The following CCDC7 variants were observed in gnomAD, a reference collection of about 807,000 sequenced individuals.
The protein encoded by CCDC7 is coiled-coil domain-containing protein 7.
Under a neutral mutation model 196.9 loss-of-function variants are expected in CCDC7, and 183 were observed. The observed-to-expected ratio is 0.93, with a 90% CI of 0.82 to 1.05. The LOEUF is 1.05. Among genes scored for constraint, CCDC7 ranks in the 50% least tolerant of loss-of-function variants. CCDC7 has a pLI of 0.00. For missense variants in CCDC7, 1,540 were observed against 1,482.2 expected, an observed-to-expected ratio of 1.04 and a Z score of -0.64; for synonymous variants, 525 against 484.6, an observed-to-expected ratio of 1.08 and a Z score of -1.10.
At chr10:32,585,077 A>G (rs889653010) in intron 18 of CCDC7, among the ~76,000 whole-genome samples, 6 of 145,620 alleles carry the variant, frequency 4.1e-5, no homozygotes, top group African/African-American at 1.5e-4. Flanking sequence ...CTAAACTTAA[A>G]TTTTTTTTTT....
At chr10:32,538,275 G>T (rs2050838218) in intron 11 of CCDC7, among the ~76,000 whole-genome samples, 1 of 152,126 alleles carries the variant, frequency 6.6e-6, no homozygotes, top group Non-Finnish European at 1.5e-5. Context: ...TTGTATTCCT[G>T]ATTTGGCTCT....
chr10:32,561,078 C>T (rs973663498), intron 13 of CCDC7, among the ~76,000 whole-genome samples: 4 of 151,970 alleles, frequency 2.6e-5, no homozygotes, highest in South Asian at 2.1e-4. Flanking sequence ...AAGGCCATTA[C>T]GTAATGGTAA....
intron 9 of CCDC7, among the ~76,000 whole-genome samples, chr10:32,508,534 A>G (rs2045565113): frequency 6.6e-6 from 1 of 152,238 alleles, no homozygotes; most frequent in Non-Finnish European, 1.5e-5. Context: ...CAGACATAAA[A>G]CAAATCCTAA....
At chr10:32,504,206 C>T (rs2044521087) in intron 9 of CCDC7, among the ~76,000 whole-genome samples, 1 of 148,388 alleles carries the variant, frequency 6.7e-6, no homozygotes, top group African/African-American at 2.5e-5. Context: ...CAAGCTCTGC[C>T]TCCCAGGTCA....
intron 25 of CCDC7, among the ~76,000 whole-genome samples, chr10:32,715,502 G>A (rs1591970155): frequency 6.6e-6 from 1 of 152,118 alleles, no homozygotes; most frequent in African/African-American, 2.4e-5. Flanking sequence ...TCCTCCAAAG[G>A]ATCACAACTC....
At chr10:32,778,875 G>T in intron 28 of CCDC7, 102 bp from the exon 30 acceptor site, 1 of 787,642 alleles carries the variant, frequency 1.3e-6, no homozygotes, top group South Asian at 1.7e-5. Flanking sequence ...TGCAGTTCTC[G>T]TTGTAGAGAT....
At chr10:32,721,165 C>T (rs555591544) in intron 25 of CCDC7, among the ~76,000 whole-genome samples, 10 of 152,088 alleles carry the variant, frequency 6.6e-5, no homozygotes, top group African/African-American at 2.4e-4. Context: ...AAAAAATAGC[C>T]CAGAATTGGT....
chr10:32,617,795 T>G (rs2062942554), intron 18 of CCDC7, among the ~76,000 whole-genome samples: 1 of 151,970 alleles, frequency 6.6e-6, no homozygotes, highest in Non-Finnish European at 1.5e-5. Flanking sequence ...TCTGTAAATG[T>G]CTATTAAGTC....
intron 24 of CCDC7, among the ~76,000 whole-genome samples, chr10:32,704,660 G>A (rs1025653635): frequency 1.3e-5 from 2 of 152,132 alleles, no homozygotes; most frequent in African/African-American, 4.8e-5. Flanking sequence ...GCTCCACCCA[G>A]TTCGAACATC....
intron 28 of CCDC7, among the ~76,000 whole-genome samples, chr10:32,772,529 C>T (rs900529808): frequency 6.6e-6 from 1 of 152,242 alleles, no homozygotes; most frequent in Non-Finnish European, 1.5e-5. Context: ...GCTTTTCACT[C>T]TCCCCAACCA....
At chr10:32,497,097 A>G (rs2043034898) in intron 9 of CCDC7, among the ~76,000 whole-genome samples, 1 of 151,938 alleles carries the variant, frequency 6.6e-6, no homozygotes, top group African/African-American at 2.4e-5. Context: ...CAGGGATTTG[A>G]CTTCTTCCTG....
chr10:32,804,370 A>G (rs996617623), intron 29 of CCDC7, among the ~76,000 whole-genome samples: 5 of 152,194 alleles, frequency 3.3e-5, no homozygotes, highest in African/African-American at 1.2e-4. Flanking sequence ...TGCAAATTTA[A>G]TCATATCCTA....
chr10:32,690,494 A>G (rs2076957445), intron 23 of CCDC7, among the ~76,000 whole-genome samples: 1 of 152,182 alleles, frequency 6.6e-6, no homozygotes, highest in African/African-American at 2.4e-5. Context: ...CTGTATGACA[A>G]CTGTAGTCAC....
intron 25 of CCDC7, among the ~76,000 whole-genome samples, chr10:32,715,619 G>C (rs1429739162): frequency 6.6e-6 from 1 of 152,198 alleles, no homozygotes; most frequent in Non-Finnish European, 1.5e-5. Context: ...AAAGGAGCAT[G>C]TTCTAACCCA....
chr10:32,600,504 A>G (rs1262634673), intron 18 of CCDC7, among the ~76,000 whole-genome samples: 1 of 152,108 alleles, frequency 6.6e-6, no homozygotes, highest in Admixed American at 6.5e-5. Flanking sequence ...ATCATCGGCA[A>G]ACAAAAATAG....
At chr10:32,819,402 A>G (rs1361016026) in intron 31 of CCDC7, among the ~76,000 whole-genome samples, 1 of 152,250 alleles carries the variant, frequency 6.6e-6, no homozygotes. Context: ...TGGAGCTGTT[A>G]TGATTCCTTC....
intron 30 of CCDC7, among the ~76,000 whole-genome samples, chr10:32,813,171 T>C (rs1240384228): frequency 1.3e-5 from 2 of 152,182 alleles, no homozygotes; most frequent in African/African-American, 4.8e-5. Context: ...CAACCATAGT[T>C]ATATACTCTG....
At chr10:32,793,673 T>C (rs2083080176) in intron 29 of CCDC7, among the ~76,000 whole-genome samples, 1 of 152,238 alleles carries the variant, frequency 6.6e-6, no homozygotes, top group African/African-American at 2.4e-5. Context: ...TTCATACATT[T>C]GTTATTCAAG....
intron 8 of CCDC7, among the ~76,000 whole-genome samples, chr10:32,490,148 A>C (rs2041926048): frequency 6.6e-6 from 1 of 152,040 alleles, no homozygotes; most frequent in Non-Finnish European, 1.5e-5. Flanking sequence ...TGATCTCCTC[A>C]GCTATCCTGT....
Sources: gnomAD v4.1 joint callset for allele counts (sites outside exome capture counted in the v4.1 genomes callset) on GRCh38, gnomAD v4.1.1 for gene constraint, MANE v1.5 for transcripts, NCBI Gene and HGNC (gene_info 2026-07-23, HGNC 2026-07-21) for gene names.